Variants in FHIT observed in about 807,000 individuals in gnomAD.
FHIT encodes bis(5'-adenosyl)-triphosphatase.
Under a neutral mutation model 17.9 loss-of-function variants are expected in FHIT, and 19 were observed. The observed-to-expected ratio is 1.06, with a 90% CI of 0.74 to 1.56. The LOEUF (loss-of-function observed/expected upper bound fraction) is 1.56. Among genes scored for constraint, FHIT ranks in the 40% most tolerant of loss-of-function variants. The pLI is 0.00. For synonymous variants in FHIT, 81 were observed against 69.7 expected, an observed-to-expected ratio of 1.16 and a Z score of -0.81; for missense variants, 248 against 189.2, an observed-to-expected ratio of 1.31 and a Z score of -1.82.
chr3:60,338,021 A>G (rs1011036959), intron 5 of FHIT, among the ~76,000 whole-genome samples: 1 of 152,138 alleles, frequency 6.6e-6, no homozygotes. Context: ...TTTTCAAATA[A>G]TGTTTCTTTT....
chr3:60,633,623 C>T (rs1424465833), intron 4 of FHIT, among the ~76,000 whole-genome samples: 1 of 152,284 alleles, frequency 6.6e-6, no homozygotes, highest in African/African-American at 2.4e-5. Flanking sequence ...AGCTATTCCG[C>T]GATGACTGTG....
intron 4 of FHIT, among the ~76,000 whole-genome samples, chr3:60,576,333 G>A (rs1559552992): frequency 6.6e-6 from 1 of 152,140 alleles, no homozygotes; most frequent in Non-Finnish European, 1.5e-5. Context: ...AGGAAGCACA[G>A]AAGAGGGGTC....
rs551437420 is a variant in FHIT at position 60,442,704 on chromosome 3, T to A, written c.103+94156A>T. Among the ~76,000 whole-genome samples the A allele has an allele frequency of 1.3e-3, 201 of 152,276 alleles. 2 individuals carry two copies. The highest frequency in any genetic ancestry group is 0.01 in the Middle Eastern group (3 of 294). On this transcript the variant is annotated intron_variant, in intron 5 of 9. Transcript: ENST00000492590. ...TGTAGTATAGTTTGAAGTCAGGTAG[T>A]GTGATGCCTCTAGCTTTGTTCTTTT...
intron 4 of FHIT, among the ~76,000 whole-genome samples, chr3:60,689,799 T>C (rs1480201065): frequency 2.0e-5 from 3 of 152,224 alleles, no homozygotes; most frequent in Non-Finnish European, 4.4e-5. Context: ...CTGGGTTTCT[T>C]ATTGCTTAGT....
intron 2 of FHIT, among the ~76,000 whole-genome samples, chr3:61,059,876 C>T (rs7636127): frequency 0.02 from 3,087 of 152,302 alleles, 103 homozygotes; most frequent in African/African-American, 0.069. Context: ...TCTGAACATT[C>T]TCCCCATGCT....
chr3:59,962,762 A>T (rs1707745529), intron 7 of FHIT, among the ~76,000 whole-genome samples: 1 of 152,234 alleles, frequency 6.6e-6, no homozygotes, highest in African/African-American at 2.4e-5. Flanking sequence ...ACTTAAAGCA[A>T]TTGTTCACAC....
chr3:61,210,221 G>C (rs913519400), intron 1 of FHIT, among the ~76,000 whole-genome samples: 1 of 152,212 alleles, frequency 6.6e-6, no homozygotes, highest in Non-Finnish European at 1.5e-5. Flanking sequence ...CCCCTAGTGC[G>C]GGGTACCTCC....
chr3:59,914,206 T>TA (rs1705021794), intron 8 of FHIT, among the ~76,000 whole-genome samples: 2 of 152,000 alleles, frequency 1.3e-5, no homozygotes, highest in South Asian at 2.1e-4. Context: ...TATTTACTTT[T>TA]TTTTTGGTAG....
chr3:60,486,755 T>C (rs115700913), intron 5 of FHIT, among the ~76,000 whole-genome samples: 100 of 152,354 alleles, frequency 6.6e-4, no homozygotes, highest in African/African-American at 2.2e-3. Flanking sequence ...ATGCATATTT[T>C]ATCTTTCAAC....
chr3:60,501,780 A>G (rs1488435560), intron 5 of FHIT, among the ~76,000 whole-genome samples: 1 of 152,194 alleles, frequency 6.6e-6, no homozygotes, highest in Non-Finnish European at 1.5e-5. Flanking sequence ...ACTTTCCTCT[A>G]TTGGAAATGT....
At chr3:60,473,410 T>C (rs2033186555) in intron 5 of FHIT, among the ~76,000 whole-genome samples, 1 of 151,980 alleles carries the variant, frequency 6.6e-6, no homozygotes, top group Admixed American at 6.6e-5. Context: ...ATTTAGGATA[T>C]GGATGTGGAA....
chr3:60,133,549 G>A (rs1445433240), intron 5 of FHIT, among the ~76,000 whole-genome samples: 1 of 151,988 alleles, frequency 6.6e-6, no homozygotes, highest in Non-Finnish European at 1.5e-5. Context: ...AGTGTGGGAG[G>A]CCCCTGTGGT....
chr3:60,700,018 C>A (rs1276802632), intron 4 of FHIT, among the ~76,000 whole-genome samples: 2 of 151,426 alleles, frequency 1.3e-5, no homozygotes, highest in African/African-American at 4.8e-5. Flanking sequence ...GTAATCCCAG[C>A]TTCTCAGGAG....
chr3:61,208,668 G>C (rs1363340522), intron 1 of FHIT, among the ~76,000 whole-genome samples: 9 of 151,592 alleles, frequency 5.9e-5, no homozygotes, highest in Non-Finnish European at 1.2e-4. Flanking sequence ...CCATTTGCTT[G>C]GTAGATCTTC....
At chr3:60,127,881 T>A (rs549562247) in intron 5 of FHIT, among the ~76,000 whole-genome samples, 1 of 152,194 alleles carries the variant, frequency 6.6e-6, no homozygotes, top group Non-Finnish European at 1.5e-5. Flanking sequence ...TCCTCCAGCT[T>A]TGGCCTCTCC....
intron 2 of FHIT, among the ~76,000 whole-genome samples, chr3:61,148,359 T>C (rs1305437665): frequency 6.6e-6 from 1 of 152,152 alleles, no homozygotes; most frequent in Non-Finnish European, 1.5e-5. Flanking sequence ...CTCCTGATCC[T>C]TTCTAGCAAT....
chr3:60,124,001 T>C (rs867100134), intron 5 of FHIT, among the ~76,000 whole-genome samples: 7 of 27,958 alleles, frequency 2.5e-4, no homozygotes, highest in African/African-American at 9.2e-4. Context: ...TATATATATA[T>C]ATATATATAG....
At chr3:59,911,160 G>A (rs1704854079) in intron 8 of FHIT, among the ~76,000 whole-genome samples, 1 of 152,122 alleles carries the variant, frequency 6.6e-6, no homozygotes. Context: ...AAACTCATTT[G>A]ATGGCTACAT....
At chr3:60,318,771 A>G (rs1476083463) in intron 5 of FHIT, among the ~76,000 whole-genome samples, 3 of 152,236 alleles carry the variant, frequency 2.0e-5, no homozygotes, top group Admixed American at 2.0e-4. Flanking sequence ...GTGGTTAAAA[A>G]TAATACAAAT....
Sources: allele counts gnomAD v4.1 joint callset (sites outside exome capture counted in the v4.1 genomes callset), GRCh38; gene constraint gnomAD v4.1.1; transcripts MANE v1.5; gene names NCBI Gene and HGNC (gene_info 2026-07-23, HGNC 2026-07-21).